SIL1: variants seen among roughly 807,000 people sequenced by gnomAD.
The protein encoded by SIL1 is SIL1 nucleotide exchange factor.
Under a neutral mutation model 49.1 loss-of-function variants are expected in SIL1, and 40 were observed. The observed-to-expected ratio is 0.81, with a 90% CI of 0.63 to 1.06. SIL1 has a LOEUF of 1.06. Ranked by LOEUF, SIL1 falls within the 50% of genes least tolerant of loss-of-function variation. The probability of loss-of-function intolerance (pLI) is 0.00; values close to 1 mark genes in which losing one functional copy is unlikely to be tolerated. For synonymous variants in SIL1, 253 were observed against 250.8 expected (o/e 1.01, Z -0.08); for missense variants, 500 against 572.6 (o/e 0.87, Z 1.29).
chr5:139,138,719 T>C (rs1751024949), intron 1 of SIL1, among the ~76,000 whole-genome samples: 1 of 152,222 alleles, frequency 6.6e-6, no homozygotes, highest in Non-Finnish European at 1.5e-5. Flanking sequence ...GCACAGTGCC[T>C]GACACAAAAT....
intron 3 of SIL1, chr5:139,107,931 T>C (rs1290235515): frequency 6.6e-6 from 1 of 152,180 alleles, no homozygotes; most frequent in East Asian, 1.9e-4. Context: ...TTAAGTAACT[T>C]GCCCAGCTAC....
intron 1 of SIL1, among the ~76,000 whole-genome samples, chr5:139,151,494 A>G (rs1427728938): frequency 6.6e-6 from 1 of 152,212 alleles, no homozygotes; most frequent in Non-Finnish European, 1.5e-5. Flanking sequence ...CATACATGCA[A>G]ACAAAAACTT....
intron 3 of SIL1, among the ~76,000 whole-genome samples, chr5:139,065,052 C>T (rs184639481): frequency 2.3e-4 from 35 of 152,260 alleles, no homozygotes; most frequent in African/African-American, 7.0e-4. Flanking sequence ...GAGTGTTAAT[C>T]GGCTCTCAAT....
At chr5:138,966,252 T>C (rs1767135740) in intron 7 of SIL1, among the ~76,000 whole-genome samples, 1 of 152,092 alleles carries the variant, frequency 6.6e-6, no homozygotes, top group Non-Finnish European at 1.5e-5. Flanking sequence ...ACCACTAAAA[T>C]GGCAGACTTA....
intron 3 of SIL1, among the ~76,000 whole-genome samples, chr5:139,096,153 G>T (rs1373067232): frequency 6.6e-6 from 1 of 152,154 alleles, no homozygotes; most frequent in Non-Finnish European, 1.5e-5. Flanking sequence ...CAGCAACTGT[G>T]AGGCACTGAA....
intron 7 of SIL1, among the ~76,000 whole-genome samples, chr5:138,958,727 CAA>C (rs1278682220): frequency 3.1e-5 from 4 of 129,968 alleles, no homozygotes; most frequent in Admixed American, 7.7e-5. Context: ...TTCCAAAAGC[CAA>C]AAAAAAAAAA....
chr5:139,051,277 G>A lies in SIL1; in HGVS notation c.245-231C>T, dbSNP rs1769278663. On this transcript the variant is annotated intron_variant, in intron 3 of 9. Transcript: ENST00000394817. ...GGGAATGACGTAAGATGGGCAAGAG[G>A]ATTCACACTTGAATCTAGAGACCAA... 7.2e-6 allele frequency: 4 copies of A among 558,628 alleles called. No individual in the cohort carries two copies. In the South Asian group the frequency reaches 7.9e-5, roughly 11 times the overall value. The allele number at this position is 558,628 out of a possible 1,614,324, so 34.6% of individuals were successfully genotyped here.
chr5:139,057,314 T>TAAA (rs67544778), intron 3 of SIL1, among the ~76,000 whole-genome samples: 2 of 73,392 alleles, frequency 2.7e-5, no homozygotes, highest in African/African-American at 1.2e-4. Context: ...GAATGATCAA[T>TAAA]AAAAAAAAAA....
At chr5:139,067,183 G>A (rs981752496) in intron 3 of SIL1, among the ~76,000 whole-genome samples, 1 of 152,144 alleles carries the variant, frequency 6.6e-6, no homozygotes, top group Non-Finnish European at 1.5e-5. Flanking sequence ...CCTTTAACTT[G>A]GGATAAGGGG....
intron 7 of SIL1, among the ~76,000 whole-genome samples, chr5:138,977,686 A>C (rs1554124178): frequency 6.6e-6 from 1 of 152,120 alleles, no homozygotes; most frequent in Non-Finnish European, 1.5e-5. Flanking sequence ...TACTCCCTTA[A>C]TTAAATGGCA....
In SIL1 at chr5:139,068,687, C is replaced by T. The variant is rs533155976; in HGVS notation, c.245-17641G>A. 7.7e-4 allele frequency among the ~76,000 whole-genome samples: 111 copies of T among 143,748 alleles called. No homozygotes were observed. The South Asian group carries it at 8.0e-3, about 10-fold the overall frequency. 94.3% of individuals were successfully genotyped at this position (143,748 alleles called of 152,430 possible). ...AAAAAAAAAAAAAGAAGAGAAAGCA[C>T]TATGGATTTAGAAAAGGTAATTAAA... is the stretch of plus-strand genomic sequence containing the variant. On this transcript the variant is annotated intron_variant, in intron 3 of 9. Coordinates refer to ENST00000394817, the MANE Select transcript of SIL1 (RefSeq NM_022464.5).
intron 1 of SIL1, among the ~76,000 whole-genome samples, chr5:139,182,467 A>G (rs1405166178): frequency 6.6e-6 from 1 of 152,226 alleles, no homozygotes; most frequent in Admixed American, 6.5e-5. Context: ...GTAACCAGAA[A>G]GAACCCTTAG....
At chr5:139,097,764 C>A (rs943081591) in intron 3 of SIL1, among the ~76,000 whole-genome samples, 1 of 152,192 alleles carries the variant, frequency 6.6e-6, no homozygotes, top group East Asian at 1.9e-4. Context: ...GAGAGAGCCA[C>A]CGTGCCCAGC....
At chr5:139,159,424 AAATT>A (rs1751465347) in intron 1 of SIL1, among the ~76,000 whole-genome samples, 1 of 152,254 alleles carries the variant, frequency 6.6e-6, no homozygotes, top group African/African-American at 2.4e-5. Flanking sequence ...ATGTTAAAAT[AAATT>A]GAGAGAAAAC....
intron 3 of SIL1, among the ~76,000 whole-genome samples, chr5:139,084,792 AAAAT>A (rs1333783597): frequency 3.3e-5 from 5 of 150,880 alleles, no homozygotes; most frequent in African/African-American, 9.7e-5. Context: ...AATAAAAATA[AAAAT>A]AAATAAAAAA....
At chr5:139,143,256 T>TGTATATATAC (rs1751117478) in intron 1 of SIL1, among the ~76,000 whole-genome samples, 2 of 87,986 alleles carry the variant, frequency 2.3e-5, no homozygotes, top group Non-Finnish European at 2.0e-5. Context: ...TATACATATA[T>TGTATATATAC]AAACACATAT....
At chr5:139,033,251 T>G (rs769880913) in intron 5 of SIL1, among the ~76,000 whole-genome samples, 48 of 152,224 alleles carry the variant, frequency 3.2e-4, no homozygotes, top group Admixed American at 5.2e-4. Context: ...CACCTCAGCC[T>G]CCCAAAGTGC....
intron 1 of SIL1, among the ~76,000 whole-genome samples, chr5:139,174,569 G>A (rs140294118): frequency 5.9e-5 from 9 of 152,014 alleles, no homozygotes; most frequent in South Asian, 2.1e-4. Context: ...GTGGTACCAG[G>A]TACTCAGGAG....
chr5:139,108,763 G>T (rs1218526722), intron 3 of SIL1, among the ~76,000 whole-genome samples: 1 of 152,286 alleles, frequency 6.6e-6, no homozygotes, highest in East Asian at 1.9e-4. Flanking sequence ...TATTCCCCCA[G>T]CTACAGACCT....
Sources: gnomAD v4.1 joint callset for allele counts (sites outside exome capture counted in the v4.1 genomes callset) on GRCh38, gnomAD v4.1.1 for gene constraint, MANE v1.5 for transcripts, NCBI Gene and HGNC (gene_info 2026-07-23, HGNC 2026-07-21) for gene names.